Variants in UTP15 observed in about 807,000 individuals in gnomAD.
UTP15 encodes UTP15 small subunit processome component, also known as U3 small nucleolar RNA-associated protein 15 homolog.
In UTP15, 5 loss-of-function variants were observed where a neutral mutation model predicts 59.1. The observed-to-expected ratio is 0.08, with a 90% CI of 0.04 to 0.18. The LOEUF (loss-of-function observed/expected upper bound fraction) is 0.18. Ranked by LOEUF, UTP15 falls within the 10% of genes least tolerant of loss-of-function variation. The pLI is 1.00. For synonymous variants in UTP15, 211 were observed against 212.2 expected (o/e 0.99, Z 0.05); for missense variants, 494 against 616.7 (o/e 0.80, Z 2.11).
chr5:73,568,581 C>G lies in UTP15; in HGVS notation c.345C>G (p.Leu115=). The G allele has an allele frequency of 6.2e-7, 1 of 1,613,450 alleles. No homozygotes were observed. The highest frequency in any genetic ancestry group is 8.5e-7 in the Non-Finnish European group (1 of 1,179,782). ...TTGATATAAGTGGGAGGGCTCCCCTCAGGCAGTTTGAAGGCCATACAAAGT... is the reference window on the plus strand; with the variant it reads ...TTGATATAAGTGGGAGGGCTCCCCTGAGGCAGTTTGAAGGCCATACAAAGT... ...QLFDISGRAP[L]RQFEGHTKAV... Residue 115 remains leucine (L), a synonymous_variant, in exon 4 of 13, where the codon CTC becomes CTG. Coordinates refer to ENST00000296792, the MANE Select transcript of UTP15 (RefSeq NM_032175.4).
At position 73,565,775 on chromosome 5, in the gene UTP15, G is replaced by A. The variant is rs947122284; in HGVS notation, c.-221G>A. On this transcript the variant is annotated 5_prime_UTR_variant, in exon 1 of 13. It adds an upstream start codon to the 5' untranslated region. Transcript: ENST00000296792. Reference sequence around the variant, plus strand: ...CTTCGCGCGACGTTCGGTTCGCTGTGTGTGTCGCCGGCTCCTTGAGGGTCC... The same window carrying A: ...CTTCGCGCGACGTTCGGTTCGCTGTATGTGTCGCCGGCTCCTTGAGGGTCC... 7 of 456,186 alleles carry A rather than the reference G, an allele frequency of 1.5e-5. No homozygotes were observed. Among genetic ancestry groups the A allele is most frequent in the African/African-American group, 1.2e-4 (6 of 50,074 alleles). 28.3% of individuals were successfully genotyped at this position (456,186 alleles called of 1,614,324 possible). A position where few individuals can be genotyped will look rare whatever the true frequency, so the allele number is the denominator to read the frequency against.
Position 73,580,304 on chromosome 5 carries a change from A to G in UTP15, c.*210A>G, listed in dbSNP as rs935987494. ...TAATATTTTGAATTATAGCATCTTC[A>G]CCTAGAAGATCTCAATTGTCTTAGT... is the stretch of plus-strand genomic sequence containing the variant. On this transcript the variant is annotated 3_prime_UTR_variant, in exon 13 of 13. Transcript: ENST00000296792. The G allele has an allele frequency of 4.3e-5, 19 of 443,566 alleles. No homozygotes were observed. Among genetic ancestry groups the G allele is most frequent in the African/African-American group, 3.8e-4 (19 of 49,880 alleles). 27.5% of individuals were successfully genotyped at this position (443,566 alleles called of 1,614,324 possible). A position where few individuals can be genotyped will look rare whatever the true frequency, so the allele number is the denominator to read the frequency against.
chr5:73,570,534 GT>G, intron 5 of UTP15, 51 bp from the exon 6 acceptor site: 2 of 1,582,608 alleles, frequency 1.3e-6, no homozygotes, highest in Non-Finnish European at 8.6e-7. Flanking sequence ...GATACACACA[GT>G]TTTTGTTGTT....
intron 12 of UTP15, 54 bp downstream of exon 12, chr5:73,579,429 T>C (rs1748229833): frequency 4.5e-6 from 6 of 1,329,108 alleles, no homozygotes; most frequent in Non-Finnish European, 6.3e-6. Flanking sequence ...AGTAGAGATG[T>C]CAAATAATCA....
At chr5:73,579,745 T>C (rs1748240972) in intron 12 of UTP15, 132 bp from the exon 13 acceptor site, 2 of 509,732 alleles carry the variant, frequency 3.9e-6, no homozygotes, top group Non-Finnish European at 6.6e-6. Context: ...AAATCATTAA[T>C]TAATTATAAA....
intron 9 of UTP15, chr5:73,578,304 C>T: frequency 3.1e-6 from 1 of 326,002 alleles, no homozygotes; most frequent in Non-Finnish European, 5.6e-6. Flanking sequence ...TAGAACCAAT[C>T]ATGTCCCTGT....
intron 2 of UTP15, 143 bp downstream of exon 2, chr5:73,567,577 T>C: frequency 1.8e-6 from 1 of 548,652 alleles, no homozygotes; most frequent in Non-Finnish European, 3.1e-6. Context: ...GATAATTTGA[T>C]ATCTATTTTT....
chr5:73,579,765 G>A, intron 12 of UTP15, 112 bp from the exon 13 acceptor site: 1 of 555,420 alleles, frequency 1.8e-6, no homozygotes, highest in Non-Finnish European at 3.0e-6. Flanking sequence ...AATAAGTACA[G>A]ATTTTTCAGT....
At chr5:73,577,803 A>T in intron 8 of UTP15, 53 bp from the exon 9 acceptor site, 1 of 1,462,314 alleles carries the variant, frequency 6.8e-7, no homozygotes. Flanking sequence ...AAGTAAAAGT[A>T]CTATAAATTA....
chr5:73,569,366 T>C (rs1747869728), intron 4 of UTP15, 131 bp from the exon 5 acceptor site: 1 of 610,018 alleles, frequency 1.6e-6, no homozygotes, highest in South Asian at 3.7e-5. Flanking sequence ...TCTTTCATGA[T>C]TTCCCCCTAT....
rs867140316 is a variant in UTP15 at position 73,577,973 on chromosome 5, T to C, written c.1012T>C (p.Phe338Leu). ...AAGAAGAAGGCCTGCATATCGAACCTTTATTAAAGGAAAAAATTACATGAA... is the reference window on the plus strand; with the variant it reads ...AAGAAGAAGGCCTGCATATCGAACCCTTATTAAAGGAAAAAATTACATGAA... ...PRRRRPAYRT[F>L]IKGKNYMKQR... is the part of the protein sequence containing the mutation. Residue 338 changes from phenylalanine to leucine, a missense_variant, in exon 9 of 13, where the codon TTT becomes CTT. Phe to Leu is a conservative substitution (Grantham distance 22). Transcript: ENST00000296792. 4.4e-6 allele frequency: 7 copies of C among 1,580,138 alleles called. No individual in the cohort carries two copies. The Middle Eastern group carries it at 6.7e-4, about 151-fold the overall frequency.
intron 7 of UTP15, among the ~76,000 whole-genome samples, chr5:73,573,578 AT>A (rs35268325): frequency 0.19 from 25,018 of 135,118 alleles, 2,231 homozygotes; most frequent in Non-Finnish European, 0.23. Context: ...AGATAAATTA[AT>A]TTTTTTTTTT....
At chr5:73,574,967 A>C (rs181927429) in intron 7 of UTP15, among the ~76,000 whole-genome samples, 34 of 152,304 alleles carry the variant, frequency 2.2e-4, no homozygotes, top group Middle Eastern at 3.4e-3. Context: ...TAACCTACAC[A>C]CATCCACTGT....
intron 10 of UTP15, 81 bp downstream of exon 10, chr5:73,578,933 A>G (rs973270545): frequency 6.3e-7 from 1 of 1,598,898 alleles, no homozygotes; most frequent in African/African-American, 1.3e-5. Flanking sequence ...GATAAATATT[A>G]TTCAAACTTG....
intron 7 of UTP15, among the ~76,000 whole-genome samples, chr5:73,573,248 G>GTTTT (rs775316960): frequency 1.5e-5 from 2 of 135,454 alleles, no homozygotes; most frequent in Non-Finnish European, 3.2e-5. Context: ...ATATTTTGAA[G>GTTTT]TTTTTTTTTT....
In UTP15 at chr5:73,572,640, T is replaced by G. The variant is rs1747964726; in HGVS notation, c.809+16T>G. On this transcript the variant is annotated intron_variant, in intron 7 of 12. Transcript: ENST00000296792. ...CACTGGATAGGTTGGCATTTTAATT[T>G]TTTTGTATATTATTATTAGTGTACA... is the stretch of plus-strand genomic sequence containing the variant. The G allele has an allele frequency of 1.2e-6, 2 of 1,605,130 alleles. No homozygotes were observed. The highest frequency in any genetic ancestry group is 2.7e-5 in the African/African-American group (2 of 74,146).
chr5:73,568,546 G>A lies in UTP15; in HGVS notation c.310G>A (p.Val104Ile). ...LLVAGSEDGG[V>I]QLFDISGRAP... Reference sequence around the variant, plus strand: ...TGTGGCTGGCAGTGAAGATGGTGGAGTTCAACTTTTTGATATAAGTGGGAG... The same window carrying A: ...TGTGGCTGGCAGTGAAGATGGTGGAATTCAACTTTTTGATATAAGTGGGAG... The change falls in exon 4 of 13, where the codon GTT becomes ATT. Residue 104 changes from valine (V) to isoleucine (I), a missense_variant. Transcript: ENST00000296792. 3 of 1,614,072 alleles carry A rather than the reference G, an allele frequency of 1.9e-6. No homozygotes were observed. The highest frequency in any genetic ancestry group is 2.5e-6 in the Non-Finnish European group (3 of 1,179,938).
intron 5 of UTP15, among the ~76,000 whole-genome samples, chr5:73,570,324 A>C (rs1747895536): frequency 6.6e-6 from 1 of 152,232 alleles, no homozygotes; most frequent in South Asian, 2.1e-4. Flanking sequence ...AAAGATTTCC[A>C]GATGATTCAG....
Position 73,577,883 on chromosome 5 carries a change from A to G in UTP15, c.922A>G (p.Met308Val). Reference sequence around the variant, plus strand: ...TGAAGATGAGACAATAGTTGTAGGAATGACCAATGGAATACTGAGTGTTAA... The same window carrying G: ...TGAAGATGAGACAATAGTTGTAGGAGTGACCAATGGAATACTGAGTGTTAA... ...AHEDETIVVG[M>V]TNGILSVKHR... Residue 308 changes from methionine (M) to valine (V), a missense_variant, in exon 9 of 13, where the codon ATG becomes GTG. By Grantham distance (21) the Met-to-Val change is conservative. Coordinates refer to ENST00000296792, the MANE Select transcript of UTP15 (RefSeq NM_032175.4). The G allele has an allele frequency of 6.3e-7, 1 of 1,593,740 alleles. No individual in the cohort carries two copies. Among genetic ancestry groups the G allele is most frequent in the African/African-American group, 1.4e-5 (1 of 73,260 alleles).
Sources: gnomAD v4.1 joint callset for allele counts (sites outside exome capture counted in the v4.1 genomes callset) on GRCh38, gnomAD v4.1.1 for gene constraint, MANE v1.5 for transcripts, NCBI Gene and HGNC (gene_info 2026-07-23, HGNC 2026-07-21) for gene names.